PAPPA2: variants seen among roughly 807,000 people sequenced by gnomAD.
PAPPA2 encodes pappalysin-2.
Under a neutral mutation model 176.4 loss-of-function variants are expected in PAPPA2, and 86 were observed. The ratio of observed to expected loss-of-function variants is 0.49; its 90% CI spans 0.41 to 0.58. PAPPA2 has a LOEUF of 0.58. PAPPA2 is among the 20% of genes least tolerant of loss of function. PAPPA2 has a pLI of 0.00. For synonymous variants in PAPPA2, 809 were observed against 852.2 expected (o/e 0.95, Z 0.88); for missense variants, 2,073 against 2,256.9 (o/e 0.92, Z 1.65).
intron 12 of PAPPA2, among the ~76,000 whole-genome samples, chr1:176,726,140 A>G (rs1661860699): frequency 6.6e-6 from 1 of 152,170 alleles, no homozygotes; most frequent in South Asian, 2.1e-4. Flanking sequence ...CCTTCTCTGT[A>G]AATGATTTAC....
intron 1 of PAPPA2, among the ~76,000 whole-genome samples, chr1:176,539,858 T>C (rs1406838861): frequency 2.6e-5 from 4 of 152,224 alleles, no homozygotes; most frequent in Non-Finnish European, 5.9e-5. Flanking sequence ...TGGCCATGCA[T>C]TGCTTTCAGG....
chr1:176,487,463 C>A (rs1169171350), intron 1 of PAPPA2, among the ~76,000 whole-genome samples: 2 of 152,298 alleles, frequency 1.3e-5, no homozygotes, highest in South Asian at 2.1e-4. Context: ...CAGAATCCAA[C>A]TGGGAAGTGA....
chr1:176,794,443 A>G (rs531346124), intron 20 of PAPPA2, among the ~76,000 whole-genome samples: 1 of 152,302 alleles, frequency 6.6e-6, no homozygotes, highest in Admixed American at 6.5e-5. Context: ...ACTTAGTACA[A>G]ATCTTACCCC....
chr1:176,741,322 C>A (rs1662669085), intron 14 of PAPPA2, among the ~76,000 whole-genome samples: 1 of 152,074 alleles, frequency 6.6e-6, no homozygotes. Flanking sequence ...CTCAGAAGAT[C>A]CACATCCAAG....
chr1:176,749,487 C>T (rs1202421151), intron 14 of PAPPA2, among the ~76,000 whole-genome samples: 1 of 152,192 alleles, frequency 6.6e-6, no homozygotes, highest in Non-Finnish European at 1.5e-5. Flanking sequence ...AGAATTCACT[C>T]TCAGTGTTTG....
chr1:176,706,529 A>C (rs1660890937), intron 10 of PAPPA2, 79 bp downstream of exon 10: 1 of 1,206,590 alleles, frequency 8.3e-7, no homozygotes, highest in African/African-American at 1.5e-5. Flanking sequence ...ATATCCTGTA[A>C]CATCTAGCTT....
At chr1:176,795,920 G>T (rs1665405472) in intron 20 of PAPPA2, among the ~76,000 whole-genome samples, 1 of 152,174 alleles carries the variant, frequency 6.6e-6, no homozygotes, top group South Asian at 2.1e-4. Flanking sequence ...TTCCCAAATT[G>T]TTCCCCAAAA....
At chr1:176,795,816 A>G (rs1043134326) in intron 20 of PAPPA2, among the ~76,000 whole-genome samples, 7 of 152,250 alleles carry the variant, frequency 4.6e-5, no homozygotes, top group Admixed American at 1.3e-4. Context: ...AGGTTTGCAA[A>G]GAGCCTTTAA....
rs532079111 is a variant in PAPPA2 at position 176,559,221 on chromosome 1, T to G, written c.919+1980T>G. 5.9e-5 allele frequency among the ~76,000 whole-genome samples: 9 copies of G among 152,352 alleles called. No individual in the cohort carries two copies. In the East Asian group the frequency reaches 1.5e-3, roughly 26 times the overall value. ...ATGTAAAATTGGGCAGAAAATCTTT[T>G]GCAGACTGTCTAGCTTCTGAATTTT... is the stretch of plus-strand genomic sequence containing the variant. On this transcript the variant is annotated intron_variant, in intron 2 of 22. Transcript: ENST00000367662.
At chr1:176,766,908 A>T (rs953342263) in intron 15 of PAPPA2, among the ~76,000 whole-genome samples, 9 of 148,482 alleles carry the variant, frequency 6.1e-5, no homozygotes, top group African/African-American at 1.5e-4. Flanking sequence ...ACAAGAGTTG[A>T]TTTTTTTTTT....
chr1:176,627,068 T>C (rs534811030), intron 3 of PAPPA2, among the ~76,000 whole-genome samples: 1 of 152,090 alleles, frequency 6.6e-6, no homozygotes, highest in South Asian at 2.1e-4. Flanking sequence ...TCTTCCTATT[T>C]TCTTAATAAT....
At chr1:176,694,857 A>C (rs1660292834) in intron 6 of PAPPA2, among the ~76,000 whole-genome samples, 1 of 152,234 alleles carries the variant, frequency 6.6e-6, no homozygotes, top group Admixed American at 6.5e-5. Flanking sequence ...GCTCACAGGC[A>C]AAAGAGAGGA....
At chr1:176,782,009 G>A (rs1224430158) in intron 17 of PAPPA2, among the ~76,000 whole-genome samples, 1 of 152,152 alleles carries the variant, frequency 6.6e-6, no homozygotes, top group African/African-American at 2.4e-5. Flanking sequence ...TCTTTTTAGG[G>A]ATATTCTAAA....
At chr1:176,785,390 T>G (rs901493639) in intron 17 of PAPPA2, among the ~76,000 whole-genome samples, 2 of 151,842 alleles carry the variant, frequency 1.3e-5, no homozygotes, top group African/African-American at 4.8e-5. Context: ...CTTAGAGACG[T>G]TGGTTGTCTG....
intron 20 of PAPPA2, among the ~76,000 whole-genome samples, chr1:176,795,568 G>C (rs1665391669): frequency 6.6e-6 from 1 of 152,188 alleles, no homozygotes; most frequent in African/African-American, 2.4e-5. Flanking sequence ...TGATTTCATG[G>C]AGAATTTTTT....
rs575286361 is a variant in PAPPA2 at position 176,615,289 on chromosome 1, T to C, written c.1991+19694T>C. Among the ~76,000 whole-genome samples, 4 of 152,314 alleles carry C rather than the reference T, an allele frequency of 2.6e-5. No homozygotes were observed. In the South Asian group the frequency reaches 8.3e-4, roughly 32 times the overall value. ...ATTAAAGACATGTGCTTTTGTACAATGTGATTTTCACAATGGAGGTTTTGT... is the reference window on the plus strand; with the variant it reads ...ATTAAAGACATGTGCTTTTGTACAACGTGATTTTCACAATGGAGGTTTTGT... On this transcript the variant is annotated intron_variant, in intron 3 of 22. Transcript: ENST00000367662.
At chr1:176,767,635 T>C (rs568476885) in intron 15 of PAPPA2, among the ~76,000 whole-genome samples, 32 of 152,294 alleles carry the variant, frequency 2.1e-4, no homozygotes, top group Non-Finnish European at 3.4e-4. Flanking sequence ...TGTGAGCCAC[T>C]GCCCCCAGCC....
At chr1:176,490,189 C>G (rs1015377225) in intron 1 of PAPPA2, among the ~76,000 whole-genome samples, 1 of 151,630 alleles carries the variant, frequency 6.6e-6, no homozygotes, top group Admixed American at 6.6e-5. Flanking sequence ...AATGATAAGC[C>G]TTTCTTCCAC....
intron 4 of PAPPA2, among the ~76,000 whole-genome samples, chr1:176,676,131 G>C (rs1018604527): frequency 2.0e-5 from 3 of 151,958 alleles, no homozygotes; most frequent in Admixed American, 6.6e-5. Flanking sequence ...ATTGATGGTG[G>C]GAAAGTGAAA....
Sources: gnomAD v4.1 joint callset for allele counts (sites outside exome capture counted in the v4.1 genomes callset) on GRCh38, gnomAD v4.1.1 for gene constraint, MANE v1.5 for transcripts, NCBI Gene and HGNC (gene_info 2026-07-23, HGNC 2026-07-21) for gene names.